The following PDE10A variants were observed in gnomAD, a reference collection of about 807,000 sequenced individuals.
PDE10A encodes the protein phosphodiesterase 10A, also known as cAMP and cAMP-inhibited cGMP 3',5'-cyclic phosphodiesterase 10A.
A neutral mutation model predicts 97.7 loss-of-function variants in PDE10A; 39 were observed. The observed-to-expected ratio is 0.40, with a 90% CI of 0.31 to 0.52. PDE10A has a LOEUF of 0.52. Ranked by LOEUF, PDE10A falls within the 20% of genes least tolerant of loss-of-function variation. The pLI, the probability that PDE10A is intolerant of heterozygous loss-of-function variation, is 0.56. For synonymous variants in PDE10A, 371 were observed against 376.8 expected (o/e 0.98, Z 0.18); for missense variants, 731 against 1,047.8 (o/e 0.70, Z 4.17).
intron 1 of PDE10A, among the ~76,000 whole-genome samples, chr6:165,958,747 G>GAAAGAAAA (rs10654760): frequency 9.4e-6 from 1 of 106,134 alleles, no homozygotes; most frequent in African/African-American, 3.4e-5. Context: ...AAGAAAGAAA[G>GAAAGAAAA]AGAAAGAAAG....
At chr6:165,441,793 C>A (rs958693576) in intron 5 of PDE10A, among the ~76,000 whole-genome samples, 4 of 152,156 alleles carry the variant, frequency 2.6e-5, no homozygotes, top group African/African-American at 9.6e-5. Context: ...GGCTCAAGAA[C>A]AGTCAGATGA....
At chr6:165,497,701 C>A (rs1415096398) in intron 2 of PDE10A, among the ~76,000 whole-genome samples, 1 of 152,124 alleles carries the variant, frequency 6.6e-6, no homozygotes, top group Non-Finnish European at 1.5e-5. Flanking sequence ...GGCCCAGGAG[C>A]AAATGCAACC....
chr6:165,656,630 C>T (rs1345910811), intron 1 of PDE10A, among the ~76,000 whole-genome samples: 1 of 152,148 alleles, frequency 6.6e-6, no homozygotes, highest in Admixed American at 6.5e-5. Flanking sequence ...TGTCTTATCA[C>T]CCGGGTCCCC....
intron 1 of PDE10A, among the ~76,000 whole-genome samples, chr6:165,627,235 G>A (rs968128929): frequency 3.3e-5 from 5 of 152,178 alleles, no homozygotes; most frequent in Non-Finnish European, 7.3e-5. Context: ...TAATCTGTAT[G>A]TAACATACAG....
intron 1 of PDE10A, among the ~76,000 whole-genome samples, chr6:165,737,319 C>A (rs1357871105): frequency 6.6e-6 from 1 of 152,200 alleles, no homozygotes; most frequent in Non-Finnish European, 1.5e-5. Flanking sequence ...ATACCAAAGT[C>A]AGACAAGGAT....
chr6:165,699,474 A>G (rs1176871263), intron 1 of PDE10A, among the ~76,000 whole-genome samples: 1 of 152,212 alleles, frequency 6.6e-6, no homozygotes, highest in Non-Finnish European at 1.5e-5. Context: ...GAAGACTTGG[A>G]TAACACCGTA....
intron 1 of PDE10A, among the ~76,000 whole-genome samples, chr6:165,943,216 A>T (rs1375384847): frequency 1.1e-5 from 1 of 87,776 alleles, no homozygotes; most frequent in Admixed American, 1.1e-4. Flanking sequence ...AGAAAGAAAG[A>T]AAGAAAGAAA....
intron 1 of PDE10A, among the ~76,000 whole-genome samples, chr6:165,647,429 C>G (rs1293214294): frequency 6.6e-6 from 1 of 152,170 alleles, no homozygotes; most frequent in Admixed American, 6.5e-5. Context: ...GAGGTGAATT[C>G]TTTTGGAGGT....
intron 19 of PDE10A, 56 bp downstream of exon 19, chr6:165,343,335 T>A: frequency 8.7e-7 from 1 of 1,149,914 alleles, no homozygotes; most frequent in Non-Finnish European, 1.3e-6. Context: ...TAGCAATTGA[T>A]CCATACGTTT....
intron 10 of PDE10A, among the ~76,000 whole-genome samples, chr6:165,420,383 G>A (rs1788608862): frequency 6.6e-6 from 1 of 152,028 alleles, no homozygotes; most frequent in Admixed American, 6.6e-5. Context: ...AGAACATATA[G>A]GATCTCCATA....
chr6:165,629,331 C>A (rs1379204761), intron 1 of PDE10A, among the ~76,000 whole-genome samples: 1 of 152,126 alleles, frequency 6.6e-6, no homozygotes, highest in Non-Finnish European at 1.5e-5. Context: ...ATGACTTCAA[C>A]AGCATACAGC....
chr6:165,710,003 T>G (rs1791854150), intron 1 of PDE10A, among the ~76,000 whole-genome samples: 1 of 152,036 alleles, frequency 6.6e-6, no homozygotes, highest in Non-Finnish European at 1.5e-5. Flanking sequence ...GCTGGCTGCA[T>G]TTAGGCCATC....
intron 1 of PDE10A, among the ~76,000 whole-genome samples, chr6:165,836,316 G>A (rs550789889): frequency 1.3e-4 from 20 of 152,340 alleles, no homozygotes; most frequent in African/African-American, 4.8e-4. Context: ...TTTCTTCCGA[G>A]TGACAAGAGT....
At chr6:165,877,025 G>C (rs1781361646) in intron 1 of PDE10A, among the ~76,000 whole-genome samples, 1 of 152,306 alleles carries the variant, frequency 6.6e-6, no homozygotes, top group East Asian at 1.9e-4. Context: ...TGCATTTAGA[G>C]CACTAATAAC....
chr6:165,523,429 G>A (rs1459218360), intron 2 of PDE10A, among the ~76,000 whole-genome samples: 5 of 151,906 alleles, frequency 3.3e-5, no homozygotes, highest in Admixed American at 6.6e-5. Flanking sequence ...GACACATAGA[G>A]CAATGAATAG....
intron 1 of PDE10A, among the ~76,000 whole-genome samples, chr6:165,759,837 C>T (rs1413401967): frequency 6.6e-6 from 1 of 152,154 alleles, no homozygotes; most frequent in Non-Finnish European, 1.5e-5. Context: ...TATTTTTTTC[C>T]TACTGTCATA....
chr6:165,831,181 G>C (rs912897712), intron 1 of PDE10A, among the ~76,000 whole-genome samples: 1 of 151,658 alleles, frequency 6.6e-6, no homozygotes, highest in South Asian at 2.1e-4. Context: ...TCAAGAGATC[G>C]AGACCATGGT....
chr6:165,691,203 C>CACACACA (rs1562687327), intron 1 of PDE10A, among the ~76,000 whole-genome samples: 1,644 of 108,610 alleles, frequency 0.015, 153 homozygotes, highest in African/African-American at 0.069. Flanking sequence ...CTCTCTCTCC[C>CACACACA]CACACACACA....
chr6:165,937,143 C>T (rs1405005551), intron 1 of PDE10A, among the ~76,000 whole-genome samples: 1 of 152,314 alleles, frequency 6.6e-6, no homozygotes, highest in South Asian at 2.1e-4. Context: ...TTAGACACCC[C>T]TTGAGGGCTG....
Sources: gnomAD v4.1 joint callset for allele counts (sites outside exome capture counted in the v4.1 genomes callset) on GRCh38, gnomAD v4.1.1 for gene constraint, MANE v1.5 for transcripts, NCBI Gene and HGNC (gene_info 2026-07-23, HGNC 2026-07-21) for gene names.